KCNH6: variants seen among roughly 807,000 people sequenced by gnomAD.
KCNH6 encodes voltage-gated inwardly rectifying potassium channel KCNH6.
In KCNH6, 81 loss-of-function variants were observed where a neutral mutation model predicts 83.4. The ratio of observed to expected loss-of-function variants is 0.97; its 90% confidence interval spans 0.81 to 1.17. The LOEUF (loss-of-function observed/expected upper bound fraction) is 1.17, where lower values mean the gene tolerates loss of function less well. Among genes scored for constraint, KCNH6 ranks in the 50% most tolerant of loss-of-function variants. The probability of loss-of-function intolerance (pLI) is 0.00; values close to 1 mark genes in which losing one functional copy is unlikely to be tolerated. For synonymous variants in KCNH6, 503 were observed against 545.6 expected, an observed-to-expected ratio of 0.92 and a Z score of 1.09; for missense variants, 1,203 against 1,290.5, an observed-to-expected ratio of 0.93 and a Z score of 1.04.
Position 63,545,177 on chromosome 17 carries a change from C to T in KCNH6, c.2496C>T (p.Ala832=), listed in dbSNP as rs202142398. ...CCAGCTACATTCTGGAAGCCCCTGC[C>T]TCCAATGACCTGGCCTTGGTTCCTA... ...GHASYILEAP[A]SNDLALVPIA... Residue 832 remains alanine, a synonymous_variant, in exon 12 of 13, where the codon GCC becomes GCT. Coordinates refer to ENST00000314672, the MANE Select transcript of KCNH6 (RefSeq NM_001278919.2). 4.1e-5 allele frequency: 66 copies of T among 1,613,742 alleles called. No homozygotes were observed. The highest frequency in any genetic ancestry group is 1.6e-4 in the Middle Eastern group (1 of 6,082).
rs1360857839 is a variant in KCNH6, at chr17:63,534,339, C to A, written c.1101+28C>A. The A allele has an allele frequency of 6.3e-7, 1 of 1,583,188 alleles. No homozygotes were observed. Among genetic ancestry groups the A allele is most frequent in the South Asian group, 1.2e-5 (1 of 85,612 alleles). On this transcript the variant is annotated intron_variant, in intron 5 of 12. Transcript: ENST00000314672. The surrounding 1 kb of genome is among the most constrained non-coding windows in gnomAD (Gnocchi z 5.0). The stretch of plus-strand genomic sequence containing the variant: ...GAGCAGACCCCCTCCAGGCCAGCAG[C>A]CATGGCTGTCCTCTGCACGCTGGCC...
rs2147609827 is a variant in KCNH6, at chr17:63,523,543, A to C, written c.76+54A>C. On this transcript the variant is annotated intron_variant, in intron 1 of 12. Transcript: ENST00000314672. The surrounding 1 kb of genome is among the most constrained non-coding windows in gnomAD (Gnocchi z 4.2). ...ACGATCTGGAGTCCTGGTTCCGTGA[A>C]AGGGGGGGCTGGACCCCTTTACTAA... 1,770 of 1,282,738 alleles carry C rather than the reference A, an allele frequency of 1.4e-3. No homozygotes were observed. The highest frequency in any genetic ancestry group is 1.7e-3 in the Non-Finnish European group (1,568 of 911,508). The allele number at this position is 1,282,738 out of a possible 1,614,324, so 79.5% of individuals were successfully genotyped here.
At chr17:63,541,286 CTTTTTTT>C (rs58311051) in intron 8 of KCNH6, among the ~76,000 whole-genome samples, 1 of 108,826 alleles carries the variant, frequency 9.2e-6, no homozygotes, top group South Asian at 3.1e-4. Flanking sequence ...GTGCCTCTTG[CTTTTTTT>C]TTTTTTTTTT....
At chr17:63,543,980 G>T in intron 10 of KCNH6, 1 of 1,258,120 alleles carries the variant, frequency 7.9e-7, no homozygotes, top group Non-Finnish European at 1.1e-6. Context: ...CCTGGGCAGT[G>T]AAACCAGTGC....
In KCNH6 at chr17:63,533,593, G is replaced by A. The variant is rs1053069590; in HGVS notation, c.676-293G>A. The stretch of plus-strand genomic sequence containing the variant: ...CCCTGCCTGGCTCCACCCACTCCAG[G>A]ATGTTTCCAAGGGAGCTTGTGAGCA... On this transcript the variant is annotated intron_variant, in intron 4 of 12. Coordinates refer to ENST00000314672, the MANE Select transcript of KCNH6 (RefSeq NM_001278919.2). The surrounding 1 kb of genome is among the most constrained non-coding windows in gnomAD (Gnocchi z 4.1). Among the ~76,000 whole-genome samples, 2 of 152,094 alleles carry A rather than the reference G, an allele frequency of 1.3e-5. No individual in the cohort carries two copies. Among genetic ancestry groups the A allele is most frequent in the Non-Finnish European group, 2.9e-5 (2 of 67,976 alleles).
intron 9 of KCNH6, 139 bp from the exon 10 acceptor site, chr17:63,543,437 C>G (rs890696750): frequency 3.1e-6 from 2 of 645,630 alleles, no homozygotes; most frequent in Non-Finnish European, 5.7e-6. Context: ...GGAAGTCGTC[C>G]AGGGCATCGC....
rs2031515725 is a variant in KCNH6 at position 63,523,956 on chromosome 17, C to A, written c.77-183C>A. On this transcript the variant is annotated intron_variant, in intron 1 of 12. Coordinates refer to ENST00000314672, the MANE Select transcript of KCNH6 (RefSeq NM_001278919.2). This position sits in a 1 kb window ranked among gnomAD's most constrained non-coding sequence, Gnocchi z 4.2. ...GAGGCCTTGGGCCTTCCTTCCACCT[C>A]AAGACCCTCACTGCCCTAGTCTTCC... Among the ~76,000 whole-genome samples the A allele has an allele frequency of 6.6e-6, 1 of 152,024 alleles. No homozygotes were observed. The highest frequency in any genetic ancestry group is 2.4e-5 in the African/African-American group (1 of 41,380).
chr17:63,528,193 A>G (rs1277291994), intron 2 of KCNH6, among the ~76,000 whole-genome samples: 1 of 152,232 alleles, frequency 6.6e-6, no homozygotes, highest in African/African-American at 2.4e-5. Flanking sequence ...CCACTGGCCA[A>G]GGAGGCTCCC....
Position 63,538,134 on chromosome 17 carries a change from G to T in KCNH6, c.1571G>T (p.Arg524Leu), listed in dbSNP as rs201189390. The T allele has an allele frequency of 6.2e-7, 1 of 1,614,048 alleles. No individual in the cohort carries two copies. Among genetic ancestry groups the T allele is most frequent in the East Asian group, 2.2e-5 (1 of 44,864 alleles). ...CAGCGCCTGTACTCGGGCACCGCGC[G>T]CTACCACACGCAGATGCTGCGTGTC... Reference protein sequence around the residue: ...IIQRLYSGTARYHTQMLRVKE... With the variant: ...IIQRLYSGTALYHTQMLRVKE... The change falls in exon 7 of 13, where the codon CGC becomes CTC. Residue 524 changes from arginine (R) to leucine (L), a missense_variant. Arg to Leu is a moderately radical substitution (Grantham distance 102). Coordinates refer to ENST00000314672, the MANE Select transcript of KCNH6 (RefSeq NM_001278919.2). The surrounding 1 kb of genome is among the most constrained non-coding windows in gnomAD (Gnocchi z 4.0).
intron 2 of KCNH6, among the ~76,000 whole-genome samples, chr17:63,529,766 C>G (rs1372987624): frequency 6.6e-6 from 1 of 152,116 alleles, no homozygotes; most frequent in South Asian, 2.1e-4. Flanking sequence ...CTTAATCCAC[C>G]CCCATCTGCT....
In KCNH6 at chr17:63,523,456, C is replaced by G. The variant is rs1399346696; in HGVS notation, c.43C>G (p.Leu15Val). 1.9e-6 allele frequency: 3 copies of G among 1,608,364 alleles called. No individual in the cohort carries two copies. In the South Asian group the frequency reaches 3.3e-5, roughly 18 times the overall value. Residue 15 changes from leucine to valine, a missense_variant, in exon 1 of 13, where the codon CTG (leucine) becomes GTG (valine). Physicochemically the swap from Leu to Val is conservative, Grantham distance 32. Coordinates refer to ENST00000314672, the MANE Select transcript of KCNH6 (RefSeq NM_001278919.2). This position sits in a 1 kb window ranked among gnomAD's most constrained non-coding sequence, Gnocchi z 4.2. ...RGHVAPQNTY[L>V]DTIIRKFEGQ... is the part of the protein sequence containing the mutation. ...CCACGTCGCTCCCCAAAACACTTAC[C>G]TGGACACCATCATCCGCAAGTTCGA...
chr17:63,548,182 C>T (rs938146937), downstream of KCNH6, among the ~76,000 whole-genome samples: 4 of 152,094 alleles, frequency 2.6e-5, no homozygotes, highest in African/African-American at 7.2e-5. Context: ...AGGAGAATGG[C>T]GTGAACCCAG....
chr17:63,541,791 G>A (rs2032876894), intron 8 of KCNH6, among the ~76,000 whole-genome samples: 1 of 152,234 alleles, frequency 6.6e-6, no homozygotes, highest in Non-Finnish European at 1.5e-5. Flanking sequence ...GGAGTGGGAA[G>A]ACAGAGAAGC....
In KCNH6 at chr17:63,530,192, G is replaced by A; in HGVS notation, c.409G>A (p.Ala137Thr). The A allele has an allele frequency of 1.2e-6, 2 of 1,614,158 alleles. No individual in the cohort carries two copies. The highest frequency in any genetic ancestry group is 1.7e-6 in the Non-Finnish European group (2 of 1,180,024). Residue 137 changes from alanine (A) to threonine (T), a missense_variant, in exon 3 of 13, where the codon GCC becomes ACC. By Grantham distance (58) the Ala-to-Thr change is moderately conservative. Transcript: ENST00000314672. Reference protein sequence around the residue: ...LNFEDLAQLLAKCSSRSLSQR... With the variant: ...LNFEDLAQLLTKCSSRSLSQR... Reference sequence around the variant, plus strand: ...CTTCGAGGACCTGGCCCAGCTCCTGGCCAAGTGCAGCAGCCGCAGCTTGTC... The same window carrying A: ...CTTCGAGGACCTGGCCCAGCTCCTGACCAAGTGCAGCAGCCGCAGCTTGTC...
At position 63,534,579 on chromosome 17, in the gene KCNH6, G is replaced by A. The variant is rs550363804; in HGVS notation, c.1101+268G>A. On this transcript the variant is annotated intron_variant, in intron 5 of 12. Coordinates refer to ENST00000314672, the MANE Select transcript of KCNH6 (RefSeq NM_001278919.2). The surrounding 1 kb of genome is among the most constrained non-coding windows in gnomAD (Gnocchi z 5.0). Reference sequence around the variant, plus strand: ...GGAGCAGGCTGCCCCTTCCAGGATGGGCACTCGTGTGGTCCCGGCCCCTCA... The same window carrying A: ...GGAGCAGGCTGCCCCTTCCAGGATGAGCACTCGTGTGGTCCCGGCCCCTCA... 6.6e-6 allele frequency among the ~76,000 whole-genome samples: 1 copy of A among 152,054 alleles called. No homozygotes were observed. Among genetic ancestry groups the A allele is most frequent in the Non-Finnish European group, 1.5e-5 (1 of 67,956 alleles).
Position 63,545,270 on chromosome 17 carries a change from A to C in KCNH6, c.2583+6A>C, listed in dbSNP as rs746069184. The C allele has an allele frequency of 8.1e-6, 13 of 1,612,424 alleles. No individual in the cohort carries two copies. Among genetic ancestry groups the C allele is most frequent in the Non-Finnish European group, 1.0e-5 (12 of 1,179,650 alleles). On this transcript the variant is annotated splice_donor_region_variant and intron_variant, in intron 12 of 12. Transcript: ENST00000314672. Reference sequence around the variant, plus strand: ...GCTTTCTGCCTCCTGCACAGGTAAGAGGTGAGGGGATTCCCAGGGGCTTAC... The same window carrying C: ...GCTTTCTGCCTCCTGCACAGGTAAGCGGTGAGGGGATTCCCAGGGGCTTAC...
intron 1 of KCNH6, 21 bp from the exon 2 acceptor site, chr17:63,524,118 G>C: frequency 6.3e-7 from 1 of 1,579,088 alleles, no homozygotes; most frequent in East Asian, 2.2e-5. Flanking sequence ...TGGACTTTTT[G>C]CCTCCCACCT....
In KCNH6 at chr17:63,538,035, G is replaced by A. The variant is rs1396565580; in HGVS notation, c.1502-30G>A. The stretch of plus-strand genomic sequence containing the variant: ...TGGTGGTGTGGCCCAGTGGGGCCGC[G>A]GAGGAGCTCACTCTCCGCCCCGCCC... On this transcript the variant is annotated intron_variant, in intron 6 of 12. Coordinates refer to ENST00000314672, the MANE Select transcript of KCNH6 (RefSeq NM_001278919.2). This position sits in a 1 kb window ranked among gnomAD's most constrained non-coding sequence, Gnocchi z 4.0. 3.1e-6 allele frequency: 5 copies of A among 1,605,298 alleles called. No individual in the cohort carries two copies. Among genetic ancestry groups the A allele is most frequent in the Non-Finnish European group, 1.7e-6 (2 of 1,177,174 alleles).
chr17:63,530,468 A>G lies in KCNH6; in HGVS notation c.601A>G (p.Thr201Ala). ...CTTGGAGAAGCACCGCTCCAGCTCC[A>G]CCACGGAGATTGAGATCATCGCGCC... ...FNLEKHRSSSTTEIEIIAPHK... is the reference protein window; with the variant it reads ...FNLEKHRSSSATEIEIIAPHK... Residue 201 changes from threonine to alanine, a missense_variant, in exon 4 of 13, where the codon ACC becomes GCC. Coordinates refer to ENST00000314672, the MANE Select transcript of KCNH6 (RefSeq NM_001278919.2). 1.9e-6 allele frequency: 3 copies of G among 1,614,200 alleles called. No individual in the cohort carries two copies. The highest frequency in any genetic ancestry group is 2.5e-6 in the Non-Finnish European group (3 of 1,180,034).
Sources: allele counts gnomAD v4.1 joint callset (sites outside exome capture counted in the v4.1 genomes callset), GRCh38; gene constraint gnomAD v4.1.1; non-coding constraint Gnocchi (gnomAD v3.1); transcripts MANE v1.5; gene names NCBI Gene and HGNC (gene_info 2026-07-23, HGNC 2026-07-21).